The following GREB1 variants were observed in gnomAD, a reference collection of about 807,000 sequenced individuals.
GREB1 encodes the protein growth regulating estrogen receptor binding 1, also known as protein GREB1.
A neutral mutation model predicts 200.7 loss-of-function variants in GREB1; 106 were observed. That is an observed-to-expected ratio of 0.53 (90% CI 0.45 to 0.62). GREB1 has a LOEUF of 0.62. Among genes scored for constraint, GREB1 ranks in the 20% least tolerant of loss-of-function variants. The pLI is 0.00. For missense variants in GREB1, 2,243 were observed against 2,556.8 expected, an observed-to-expected ratio of 0.88 and a Z score of 2.65; for synonymous variants, 1,132 against 1,092.4, an observed-to-expected ratio of 1.04 and a Z score of -0.72.
At chr2:11,516,600 G>A (rs1373155561) in intron 1 of GREB1, among the ~76,000 whole-genome samples, 1 of 152,204 alleles carries the variant, frequency 6.6e-6, no homozygotes, top group Non-Finnish European at 1.5e-5. Flanking sequence ...GTAGGAGTCA[G>A]GCAGATGGAG....
intron 23 of GREB1, among the ~76,000 whole-genome samples, chr2:11,623,357 A>G (rs1352017361): frequency 1.3e-5 from 2 of 152,224 alleles, no homozygotes; most frequent in African/African-American, 4.8e-5. Context: ...TTATTATAGT[A>G]TACACCTTCT....
At position 11,576,447 on chromosome 2, in the gene GREB1, C is replaced by CAAG. The variant is rs1406761625; in HGVS notation, c.553_555dup (p.Lys185dup). ...TAAATCTGAAACTGACCACTCAACC[C>CAAG]AAGAAGCAGAAACACTTGAAGTATT... is the stretch of plus-strand genomic sequence containing the variant. On this transcript the variant is annotated inframe_insertion, in exon 5 of 33. Transcript: ENST00000381486. The CAAG allele has an allele frequency of 6.2e-7, 1 of 1,613,732 alleles. No individual in the cohort carries two copies. Among genetic ancestry groups the CAAG allele is most frequent in the Non-Finnish European group, 8.5e-7 (1 of 1,179,712 alleles).
intron 3 of GREB1, among the ~76,000 whole-genome samples, chr2:11,565,765 C>A (rs1677569868): frequency 6.6e-6 from 1 of 152,170 alleles, no homozygotes; most frequent in Non-Finnish European, 1.5e-5. Context: ...CCCATGACCC[C>A]CTAGCGGAAA....
intron 1 of GREB1, among the ~76,000 whole-genome samples, chr2:11,510,411 C>G (rs1673316560): frequency 6.6e-6 from 1 of 152,336 alleles, no homozygotes; most frequent in Non-Finnish European, 1.5e-5. Context: ...TTGCCAGTCA[C>G]TGCTAAGATC....
rs745880183 is a variant in GREB1, at chr2:11,595,366, C to T, written c.1812C>T (p.Ser604=). ...TAGACTCGCTGGGGGCCTTCTTTAG[C>T]ACCCTCTGTCCAGGTAGGCTTGTCG... is the stretch of plus-strand genomic sequence containing the variant. The part of the protein sequence containing the change: ...GKVDSLGAFF[S]TLCPEGDIDI... The change falls in exon 12 of 33, where the codon AGC becomes AGT. Residue 604 remains serine, a synonymous_variant. Transcript: ENST00000381486. 1.9e-6 allele frequency: 3 copies of T among 1,613,652 alleles called. No individual in the cohort carries two copies. The highest frequency in any genetic ancestry group is 1.7e-6 in the Non-Finnish European group (2 of 1,179,746).
intron 1 of GREB1, among the ~76,000 whole-genome samples, chr2:11,521,543 A>G (rs1299693212): frequency 1.3e-5 from 2 of 152,072 alleles, no homozygotes; most frequent in African/African-American, 2.4e-5. Context: ...TAACTTTGCA[A>G]TTTTTCTTGA....
intron 19 of GREB1, 84 bp from the exon 20 acceptor site, chr2:11,615,007 C>A: frequency 1.9e-6 from 2 of 1,039,254 alleles, no homozygotes; most frequent in Non-Finnish European, 3.0e-6. Context: ...GGGTGTGGTC[C>A]CGATCAGTGC....
chr2:11,546,154 G>A (rs1237997205), intron 1 of GREB1, among the ~76,000 whole-genome samples: 2 of 151,724 alleles, frequency 1.3e-5, no homozygotes, highest in African/African-American at 2.4e-5. Context: ...TCAAGCCTGG[G>A]TGACAGAGCG....
chr2:11,634,426 G>A lies in GREB1; in HGVS notation c.5210+77G>A. ...TCCTGAGTGAGGGCAGCCTGGGGCT[G>A]CAGAGGCGTCCTGGCTGTGAGCACT... On this transcript the variant is annotated intron_variant, in intron 29 of 32. Transcript: ENST00000381486. 3 of 1,137,170 alleles carry A rather than the reference G, an allele frequency of 2.6e-6. No individual in the cohort carries two copies. The East Asian group carries it at 7.7e-5, about 29-fold the overall frequency. The allele number at this position is 1,137,170 out of a possible 1,614,324, so 70.4% of individuals were successfully genotyped here. A position where few individuals can be genotyped will look rare whatever the true frequency, so the allele number is the denominator to read the frequency against.
intron 1 of GREB1, among the ~76,000 whole-genome samples, chr2:11,502,712 A>G (rs577592323): frequency 6.3e-4 from 96 of 152,270 alleles, no homozygotes; most frequent in African/African-American, 2.3e-3. Context: ...TATGATGAAA[A>G]TATTTATTGA....
intron 1 of GREB1, among the ~76,000 whole-genome samples, chr2:11,489,568 A>C (rs1434866980): frequency 6.6e-6 from 1 of 152,268 alleles, no homozygotes; most frequent in Non-Finnish European, 1.5e-5. Flanking sequence ...TTCTCAAATA[A>C]CAGTATTGTA....
chr2:11,518,747 C>CAAAA (rs11417674), intron 1 of GREB1, among the ~76,000 whole-genome samples: 9 of 102,566 alleles, frequency 8.8e-5, no homozygotes, highest in African/African-American at 2.6e-4. Flanking sequence ...AAGTGAAATA[C>CAAAA]AAAAAAAAAA....
At chr2:11,567,912 G>A (rs1406822631) in intron 4 of GREB1, among the ~76,000 whole-genome samples, 1 of 152,158 alleles carries the variant, frequency 6.6e-6, no homozygotes, top group Admixed American at 6.5e-5. Flanking sequence ...TCCATGAAGC[G>A]GGGAGGTGAC....
intron 1 of GREB1, among the ~76,000 whole-genome samples, chr2:11,555,498 A>T (rs1042176459): frequency 1.3e-5 from 2 of 152,226 alleles, no homozygotes; most frequent in African/African-American, 2.4e-5. Flanking sequence ...ATCCCTTCCC[A>T]TCTGCAAGTT....
intron 1 of GREB1, among the ~76,000 whole-genome samples, chr2:11,511,572 G>T (rs760796482): frequency 1.6e-4 from 25 of 152,284 alleles, no homozygotes; most frequent in Non-Finnish European, 3.5e-4. Context: ...GATGTCTCCA[G>T]ATGAGGAAGC....
intron 20 of GREB1, 83 bp downstream of exon 20, chr2:11,615,373 T>C (rs561136959): frequency 1.6e-4 from 193 of 1,190,636 alleles, no homozygotes; most frequent in Non-Finnish European, 2.2e-4. Flanking sequence ...CCTGTGCTTA[T>C]GGAGACAGCT....
At chr2:11,576,203 A>G in intron 4 of GREB1, 150 bp from the exon 5 acceptor site, 1 of 643,706 alleles carries the variant, frequency 1.6e-6, no homozygotes. Flanking sequence ...GCTATTCAGG[A>G]GGCTGAAGCA....
At chr2:11,513,005 C>T (rs961486544) in intron 1 of GREB1, among the ~76,000 whole-genome samples, 6 of 152,138 alleles carry the variant, frequency 3.9e-5, no homozygotes, top group Non-Finnish European at 7.3e-5. Context: ...ACACACTGTC[C>T]GTCCGCCTGG....
In GREB1 at chr2:11,629,018, T is replaced by C. The variant is rs564702615; in HGVS notation, c.4450-930T>C. 6.6e-6 allele frequency among the ~76,000 whole-genome samples: 1 copy of C among 152,316 alleles called. No homozygotes were observed. Among genetic ancestry groups the C allele is most frequent in the East Asian group, 1.9e-4 (1 of 5,180 alleles). ...TTTGCCTCCCAAGGCTCCCTTGACC[T>C]TTTTTATGAAACTGCCTCAGTGTGT... is the stretch of plus-strand genomic sequence containing the variant. On this transcript the variant is annotated intron_variant, in intron 25 of 32. Coordinates refer to ENST00000381486, the MANE Select transcript of GREB1 (RefSeq NM_014668.4). The surrounding 1 kb of genome is among the most constrained non-coding windows in gnomAD (Gnocchi z 5.2).
Sources: allele counts gnomAD v4.1 joint callset (sites outside exome capture counted in the v4.1 genomes callset), GRCh38; gene constraint gnomAD v4.1.1; non-coding constraint Gnocchi (gnomAD v3.1); transcripts MANE v1.5; gene names NCBI Gene and HGNC (gene_info 2026-07-23, HGNC 2026-07-21).